Variants in GPHN observed in about 807,000 individuals in gnomAD.
GPHN encodes gephyrin.
In GPHN, 17 loss-of-function variants were observed where a neutral mutation model predicts 95.5. That is an observed-to-expected ratio of 0.18 (90% CI 0.12 to 0.27). GPHN has a LOEUF of 0.27. Among genes scored for constraint, GPHN ranks in the 10% least tolerant of loss-of-function variants. GPHN has a pLI of 1.00. For missense variants in GPHN, 660 were observed against 978.1 expected, an observed-to-expected ratio of 0.67 and a Z score of 4.34; for synonymous variants, 320 against 322.5, an observed-to-expected ratio of 0.99 and a Z score of 0.08.
intron 8 of GPHN, among the ~76,000 whole-genome samples, chr14:66,960,956 T>C (rs759088126): frequency 6.6e-6 from 1 of 152,144 alleles, no homozygotes; most frequent in African/African-American, 2.4e-5. Context: ...CAGTGGCTAA[T>C]ACATTTGCCT....
At chr14:67,556,107 G>A in the GPHN span, among the ~76,000 whole-genome samples, 1 of 152,204 alleles carries the variant, frequency 6.6e-6, no homozygotes, top group South Asian at 2.1e-4. Flanking sequence ...CTATGCTGTG[G>A]TAACAAATTA....
chr14:66,706,708 C>A (rs2069108044), intron 2 of GPHN, among the ~76,000 whole-genome samples: 2 of 152,086 alleles, frequency 1.3e-5, no homozygotes, highest in African/African-American at 4.8e-5. Context: ...ACTATAAAAA[C>A]CCTAGAAGAA....
the GPHN span, among the ~76,000 whole-genome samples, chr14:67,559,012 T>C: frequency 1.3e-5 from 2 of 152,250 alleles, no homozygotes; most frequent in South Asian, 4.1e-4. Flanking sequence ...CACCTTAAAC[T>C]AGATGACCTT....
At chr14:67,261,370 A>G in the GPHN span, among the ~76,000 whole-genome samples, 2 of 152,172 alleles carry the variant, frequency 1.3e-5, no homozygotes, top group Non-Finnish European at 2.9e-5. Flanking sequence ...ATGAGAAGGG[A>G]GAAGCTAAGA....
chr14:66,800,382 T>A (rs1031861059), intron 3 of GPHN, among the ~76,000 whole-genome samples: 7 of 152,138 alleles, frequency 4.6e-5, no homozygotes, highest in African/African-American at 1.7e-4. Flanking sequence ...ACAGATCTGG[T>A]GTTGATAAAA....
the GPHN span, among the ~76,000 whole-genome samples, chr14:67,338,992 CT>C: frequency 0.076 from 9,926 of 131,020 alleles, 186 homozygotes; most frequent in Non-Finnish European, 0.094. Flanking sequence ...AGACAGAAGC[CT>C]TTTTTTTTTT....
chr14:67,218,112 A>C, the GPHN span, among the ~76,000 whole-genome samples: 1 of 152,164 alleles, frequency 6.6e-6, no homozygotes. Context: ...TGCCAGGGGT[A>C]GGCTCACCAG....
At chr14:67,637,136 A>G in the GPHN span, among the ~76,000 whole-genome samples, 1 of 152,198 alleles carries the variant, frequency 6.6e-6, no homozygotes, top group Non-Finnish European at 1.5e-5. Context: ...AAGGCTGGGC[A>G]TGGTGGCTCA....
intron 5 of GPHN, among the ~76,000 whole-genome samples, chr14:66,891,765 T>A (rs902003637): frequency 5.8e-5 from 8 of 138,718 alleles, no homozygotes; most frequent in African/African-American, 1.2e-4. Context: ...TATATATATT[T>A]TTTTTAATTC....
At chr14:66,530,730 G>A (rs1239909960) in intron 1 of GPHN, among the ~76,000 whole-genome samples, 3 of 152,012 alleles carry the variant, frequency 2.0e-5, no homozygotes, top group African/African-American at 4.8e-5. Context: ...CTGACCCTTT[G>A]TGCTTCCTGG....
At chr14:67,634,468 T>G in the GPHN span, among the ~76,000 whole-genome samples, 2 of 151,412 alleles carry the variant, frequency 1.3e-5, no homozygotes, top group African/African-American at 4.9e-5. Flanking sequence ...AGGTGTGGCT[T>G]CTGTAGTCCC....
chr14:67,070,355 A>G (rs868124561), intron 11 of GPHN, among the ~76,000 whole-genome samples: 2 of 148,592 alleles, frequency 1.3e-5, no homozygotes, highest in African/African-American at 2.5e-5. Context: ...ACACACATAT[A>G]TATATAAAAT....
At chr14:67,198,590 A>C in the GPHN span, among the ~76,000 whole-genome samples, 2 of 152,136 alleles carry the variant, frequency 1.3e-5, no homozygotes, top group Non-Finnish European at 2.9e-5. Context: ...AAATTACATG[A>C]AGCCGTTTTT....
chr14:67,461,694 T>C, the GPHN span, among the ~76,000 whole-genome samples: 1 of 150,976 alleles, frequency 6.6e-6, no homozygotes, highest in Non-Finnish European at 1.5e-5. Flanking sequence ...AGAAGAAAAG[T>C]TGTTTCTTAG....
intron 9 of GPHN, among the ~76,000 whole-genome samples, chr14:66,992,255 A>G (rs2071481499): frequency 6.6e-6 from 1 of 152,172 alleles, no homozygotes; most frequent in African/African-American, 2.4e-5. Context: ...GTTCATGAAG[A>G]CAGATTACTG....
At chr14:66,597,080 T>C (rs1041486332) in intron 1 of GPHN, among the ~76,000 whole-genome samples, 2 of 152,192 alleles carry the variant, frequency 1.3e-5, no homozygotes, top group African/African-American at 4.8e-5. Context: ...ATGGCAGTTA[T>C]GTCTTCTTAG....
chr14:66,738,557 G>C (rs1177632602), intron 2 of GPHN, among the ~76,000 whole-genome samples: 2 of 152,052 alleles, frequency 1.3e-5, no homozygotes, highest in African/African-American at 4.8e-5. Context: ...AGCAGAAATA[G>C]ATTGATGCAG....
At chr14:67,370,870 G>A in the GPHN span, among the ~76,000 whole-genome samples, 1 of 151,824 alleles carries the variant, frequency 6.6e-6, no homozygotes, top group South Asian at 2.1e-4. Flanking sequence ...ACAGAAAGTA[G>A]AAAAATTACC....
the GPHN span, among the ~76,000 whole-genome samples, chr14:67,467,543 G>A: frequency 1.6e-4 from 24 of 152,114 alleles, no homozygotes; most frequent in South Asian, 4.1e-4. Context: ...TCCACTAGGC[G>A]GGATCTTTGT....
Sources: gnomAD v4.1 joint callset for allele counts (sites outside exome capture counted in the v4.1 genomes callset) on GRCh38, gnomAD v4.1.1 for gene constraint, MANE v1.5 for transcripts, NCBI Gene and HGNC (gene_info 2026-07-23, HGNC 2026-07-21) for gene names.